TMEM51: variants seen among roughly 807,000 people sequenced by gnomAD.
TMEM51 encodes transmembrane protein 51, also known as chromosome 1 open reading frame 72.
Under a neutral mutation model 13.6 loss-of-function variants are expected in TMEM51, and 8 were observed. That is an observed-to-expected ratio of 0.59 (90% CI 0.35 to 1.07). The LOEUF is 1.07. TMEM51 is among the 50% of genes least tolerant of loss of function. The pLI is 0.02. For synonymous variants in TMEM51, 147 were observed against 144.4 expected (o/e 1.02, Z -0.13); for missense variants, 279 against 330.7 (o/e 0.84, Z 1.21).
intron 1 of TMEM51, among the ~76,000 whole-genome samples, chr1:15,198,461 G>C (rs1644092842): frequency 6.6e-6 from 1 of 152,144 alleles, no homozygotes. Flanking sequence ...GTGTTGCCCA[G>C]GCTGGAGTGC....
intron 1 of TMEM51, among the ~76,000 whole-genome samples, chr1:15,158,313 T>C (rs1233170993): frequency 6.6e-6 from 1 of 151,962 alleles, no homozygotes; most frequent in Non-Finnish European, 1.5e-5. Flanking sequence ...TGCATCACCA[T>C]GGGGTTTGGG....
intron 1 of TMEM51, among the ~76,000 whole-genome samples, chr1:15,193,571 C>CTTTTTTTTTTTTTTTTTT (rs1392623062): frequency 3.7e-5 from 3 of 80,614 alleles, no homozygotes; most frequent in Admixed American, 1.6e-4. Context: ...TCTTTTCTTT[C>CTTTTTTTTTTTTTTTTTT]TTTCTTTTTT....
chr1:15,201,094 G>A (rs541879023), intron 1 of TMEM51, among the ~76,000 whole-genome samples: 5 of 152,276 alleles, frequency 3.3e-5, no homozygotes, highest in African/African-American at 7.2e-5. Context: ...CTAATCACTC[G>A]GAGTGAGTCG....
At chr1:15,216,171 G>A (rs1177537977) in intron 3 of TMEM51, among the ~76,000 whole-genome samples, 1 of 152,218 alleles carries the variant, frequency 6.6e-6, no homozygotes, top group Non-Finnish European at 1.5e-5. Context: ...ATATTTGCTT[G>A]TCCCTTCACC....
chr1:15,181,453 C>T (rs2100234366), intron 1 of TMEM51, among the ~76,000 whole-genome samples: 1 of 152,272 alleles, frequency 6.6e-6, no homozygotes, highest in East Asian at 1.9e-4. Flanking sequence ...CATCCAGGGA[C>T]TCTTAAGCGC....
chr1:15,219,847 G>A lies in TMEM51; in HGVS notation c.*104G>A, dbSNP rs1168052238. On this transcript the variant is annotated 3_prime_UTR_variant, in exon 4 of 4. Coordinates refer to ENST00000376008, the MANE Select transcript of TMEM51 (RefSeq NM_001136218.2). ...CAGTTGAGAAGCGGAGGGGCCAGCT[G>A]TGCATGGAGCCATTTGGATGGCGGC... 2 of 1,355,712 alleles carry A rather than the reference G, an allele frequency of 1.5e-6. No homozygotes were observed. Among genetic ancestry groups the A allele is most frequent in the Non-Finnish European group, 2.0e-6 (2 of 997,352 alleles). 84.0% of individuals were successfully genotyped at this position (1,355,712 alleles called of 1,614,324 possible). A position where few individuals can be genotyped will look rare whatever the true frequency, so the allele number is the denominator to read the frequency against.
intron 1 of TMEM51, among the ~76,000 whole-genome samples, chr1:15,191,344 G>A (rs560276401): frequency 6.6e-6 from 1 of 152,364 alleles, no homozygotes; most frequent in South Asian, 2.1e-4. Flanking sequence ...CCTTTGTGTT[G>A]CTTGAAGCCA....
chr1:15,196,658 A>G (rs1644056310), intron 1 of TMEM51, among the ~76,000 whole-genome samples: 1 of 152,172 alleles, frequency 6.6e-6, no homozygotes, highest in Admixed American at 6.5e-5. Flanking sequence ...CCAGCCCTTT[A>G]ATTTTATTGA....
At chr1:15,168,334 G>A in intron 1 of TMEM51, 1 of 773,328 alleles carries the variant, frequency 1.3e-6, no homozygotes, top group Admixed American at 3.7e-5. Context: ...TTCTCAAAGG[G>A]GTCTGTGCAC....
At chr1:15,170,714 C>G (rs1473716290) in intron 1 of TMEM51, among the ~76,000 whole-genome samples, 2 of 152,058 alleles carry the variant, frequency 1.3e-5, no homozygotes, top group African/African-American at 4.8e-5. Flanking sequence ...CTACATCATC[C>G]CAAACAGAAA....
In TMEM51 at chr1:15,215,399, A is replaced by T; in HGVS notation, c.312A>T (p.Thr104=). Residue 104 remains threonine (T), a synonymous_variant, in exon 3 of 4, where the codon ACA becomes ACT. Transcript: ENST00000376008. Reference sequence around the variant, plus strand: ...ACCTGGCCCATGTCCAGCACCCGACAGGCGCTGGGCCTCACGCCCAGGAGG... The same window carrying T: ...ACCTGGCCCATGTCCAGCACCCGACTGGCGCTGGGCCTCACGCCCAGGAGG... ...GEDLAHVQHP[T]GAGPHAQEED... 1 of 1,608,810 alleles carries T rather than the reference A, an allele frequency of 6.2e-7. No individual in the cohort carries two copies. The highest frequency in any genetic ancestry group is 8.5e-7 in the Non-Finnish European group (1 of 1,178,982).
chr1:15,185,014 AG>A (rs1643728688), intron 1 of TMEM51, among the ~76,000 whole-genome samples: 2 of 152,138 alleles, frequency 1.3e-5, no homozygotes, highest in African/African-American at 4.8e-5. Context: ...AAGTACAGGA[AG>A]GCAGAAATGT....
In TMEM51 at chr1:15,215,107, C is replaced by T. The variant is rs1168375402; in HGVS notation, c.20C>T (p.Ala7Val). The T allele has an allele frequency of 1.9e-6, 3 of 1,611,478 alleles. No individual in the cohort carries two copies. The highest frequency in any genetic ancestry group is 1.1e-5 in the South Asian group (1 of 91,050). Reference sequence around the variant, plus strand: ...ACTGACATGATGGCCCAGTCCAAGGCCAATGGCTCGCACTATGCGCTGACC... The same window carrying T: ...ACTGACATGATGGCCCAGTCCAAGGTCAATGGCTCGCACTATGCGCTGACC... MMAQSKANGSHYALTAI... is the reference protein window; with the variant it reads MMAQSKVNGSHYALTAI... The change falls in exon 3 of 4, where the codon GCC becomes GTC. Residue 7 changes from alanine (A) to valine (V), a missense_variant. Physicochemically the swap from Ala to Val is moderately conservative, Grantham distance 64. Coordinates refer to ENST00000376008, the MANE Select transcript of TMEM51 (RefSeq NM_001136218.2).
At chr1:15,205,868 C>T (rs758206542) in intron 1 of TMEM51, among the ~76,000 whole-genome samples, 2 of 152,110 alleles carry the variant, frequency 1.3e-5, no homozygotes, top group Non-Finnish European at 2.9e-5. Flanking sequence ...TCATGTATCT[C>T]GGTATCCCCC....
rs3753313 is a variant in TMEM51 at position 15,219,581 on chromosome 1, G to A, written c.600G>A (p.Pro200=). The A allele has an allele frequency of 0.32, 514,205 of 1,613,808 alleles. 86,397 individuals carry two copies. The highest frequency in any genetic ancestry group is 0.36 in the South Asian group (32,839 of 91,080). ...CTAAGTTGGCCAAACGACTGAAACC[G>A]CTGAAAGTTCGAAGGATTAAATCTG... ...QNSKLAKRLK[P]LKVRRIKSEK... The change falls in exon 4 of 4, where the codon CCG becomes CCA. Residue 200 remains proline, a synonymous_variant. Transcript: ENST00000376008.
In TMEM51 at chr1:15,181,462, G is replaced by A. The variant is rs184895980; in HGVS notation, c.-267+27508G>A. Reference sequence around the variant, plus strand: ...GAACTACATCCAGGGACTCTTAAGCGCTCAAATTAAACCGTCTTTTGGATT... The same window carrying A: ...GAACTACATCCAGGGACTCTTAAGCACTCAAATTAAACCGTCTTTTGGATT... On this transcript the variant is annotated intron_variant, in intron 1 of 3. Coordinates refer to ENST00000376008, the MANE Select transcript of TMEM51 (RefSeq NM_001136218.2). Among the ~76,000 whole-genome samples, 17 of 152,224 alleles carry A rather than the reference G, an allele frequency of 1.1e-4. No individual in the cohort carries two copies. In the East Asian group the frequency reaches 2.7e-3, roughly 24 times the overall value.
intron 1 of TMEM51, among the ~76,000 whole-genome samples, chr1:15,171,999 G>A (rs935551339): frequency 6.6e-6 from 1 of 152,116 alleles, no homozygotes; most frequent in African/African-American, 2.4e-5. Flanking sequence ...TTCAGCAGTG[G>A]GACTCAGGAA....
chr1:15,191,162 G>A (rs1476427097), intron 1 of TMEM51, among the ~76,000 whole-genome samples: 3 of 152,184 alleles, frequency 2.0e-5, no homozygotes, highest in Admixed American at 6.5e-5. Context: ...AGCAGAAGCT[G>A]GATGCATATG....
rs2100798703 is a variant in TMEM51 at position 15,153,932 on chromosome 1, G to T, written c.-289G>T. On this transcript the variant is annotated 5_prime_UTR_variant, in exon 1 of 4. Transcript: ENST00000376008. ...AGTCCCGGACCGCCCAGCCGAGACG[G>T]AGCCGGACCCGCCGCCTCCCGGGTG... 1 of 152,294 alleles carries T rather than the reference G, an allele frequency of 6.6e-6. No homozygotes were observed. Among genetic ancestry groups the T allele is most frequent in the Admixed American group, 6.5e-5 (1 of 15,298 alleles). 9.4% of individuals were successfully genotyped at this position (152,294 alleles called of 1,614,324 possible). A position where few individuals can be genotyped will look rare whatever the true frequency, so the allele number is the denominator to read the frequency against.
Sources: allele counts gnomAD v4.1 joint callset (sites outside exome capture counted in the v4.1 genomes callset), GRCh38; gene constraint gnomAD v4.1.1; transcripts MANE v1.5; gene names NCBI Gene and HGNC (gene_info 2026-07-23, HGNC 2026-07-21).